TEX11: variants seen among roughly 807,000 people sequenced by gnomAD.
TEX11 encodes testis-expressed protein 11.
Under a neutral mutation model 84.4 loss-of-function variants are expected in TEX11, and 7 were observed. The observed-to-expected ratio is 0.08, with a 90% CI of 0.05 to 0.16. The LOEUF is 0.16. Among genes scored for constraint, TEX11 ranks in the 10% least tolerant of loss-of-function variants. TEX11 has a pLI of 1.00. For missense variants in TEX11, 551 were observed against 660.5 expected (o/e 0.83, Z 1.82); for synonymous variants, 264 against 222.8 (o/e 1.18, Z -1.64).
intron 25 of TEX11, among the ~76,000 whole-genome samples, chrX:70,590,936 A>T (rs2088920668): frequency 9.0e-6 from 1 of 110,526 alleles, no homozygotes; most frequent in Non-Finnish European, 1.9e-5. Flanking sequence ...TTTGGTAGAG[A>T]CGGGCTTTCT....
chrX:70,685,728 G>A (rs1041809092), intron 13 of TEX11, among the ~76,000 whole-genome samples: 2 of 111,640 alleles, frequency 1.8e-5, no homozygotes, highest in Non-Finnish European at 3.8e-5. Context: ...CCATAGCCTC[G>A]CCAGCATCTG....
chrX:70,710,130 A>T (rs1298308715), intron 13 of TEX11, among the ~76,000 whole-genome samples: 1 of 111,465 alleles, frequency 9.0e-6, no homozygotes, highest in African/African-American at 3.3e-5. Flanking sequence ...CATCAAAAAA[A>T]AAGGGGGGCC....
At chrX:70,878,168 C>CTTTTTTTT (rs34459152) in intron 3 of TEX11, among the ~76,000 whole-genome samples, 1 of 72,538 alleles carries the variant, frequency 1.4e-5, no homozygotes, top group Non-Finnish European at 2.5e-5. Context: ...CTCTATCCCT[C>CTTTTTTTT]TTTTTTTTTT....
chrX:70,812,470 G>C (rs1470554115), intron 8 of TEX11, among the ~76,000 whole-genome samples: 1 of 111,114 alleles, frequency 9.0e-6, no homozygotes, highest in Non-Finnish European at 1.9e-5. Flanking sequence ...GCCTCCCAAA[G>C]TGCTGGGATT....
intron 9 of TEX11, among the ~76,000 whole-genome samples, chrX:70,805,308 G>C (rs2091212189): frequency 1.8e-5 from 2 of 111,033 alleles, no homozygotes; most frequent in Non-Finnish European, 3.8e-5. Flanking sequence ...TTAATCATAG[G>C]AGTATCCCCA....
chrX:70,714,262 T>C lies in TEX11; in HGVS notation c.1004+8356A>G, dbSNP rs1299149707. On this transcript the variant is annotated intron_variant, in intron 13 of 29. Coordinates refer to ENST00000374333, the MANE Select transcript of TEX11 (RefSeq NM_031276.3). ...GTGGTGTGGTGCTGAAAAGAATGTATATTCTGTTGATTTGGGATGGAGAGT... is the reference window on the plus strand; with the variant it reads ...GTGGTGTGGTGCTGAAAAGAATGTACATTCTGTTGATTTGGGATGGAGAGT... 1.7e-4 allele frequency among the ~76,000 whole-genome samples: 19 copies of C among 111,615 alleles called. No individual in the cohort carries two copies. In the Admixed American group the frequency reaches 1.7e-3, roughly 10 times the overall value.
chrX:70,639,347 C>T (rs1190450618), intron 17 of TEX11, among the ~76,000 whole-genome samples: 1 of 112,017 alleles, frequency 8.9e-6, no homozygotes, highest in East Asian at 2.8e-4. Context: ...GGGGGAGGGG[C>T]GCCCACCATT....
intron 2 of TEX11, among the ~76,000 whole-genome samples, chrX:70,886,527 T>C (rs906909799): frequency 8.9e-6 from 1 of 111,808 alleles, no homozygotes; most frequent in African/African-American, 3.2e-5. Flanking sequence ...TACAATACTA[T>C]ACTTACAGTC....
intron 25 of TEX11, among the ~76,000 whole-genome samples, chrX:70,566,231 T>C (rs1355964338): frequency 3.0e-5 from 3 of 101,134 alleles, no homozygotes; most frequent in South Asian, 4.9e-4. Flanking sequence ...ATAAGAATGC[T>C]TGTGATTTTT....
At chrX:70,615,804 C>A in intron 20 of TEX11, among the ~76,000 whole-genome samples, 1 of 112,125 alleles carries the variant, frequency 8.9e-6, no homozygotes, top group East Asian at 2.8e-4. Flanking sequence ...AAACAACATA[C>A]AATGGCGTTG....
intron 5 of TEX11, among the ~76,000 whole-genome samples, chrX:70,854,631 G>C (rs910007677): frequency 9.2e-6 from 1 of 108,770 alleles, no homozygotes; most frequent in African/African-American, 3.4e-5. Context: ...AGCTATTAGG[G>C]AGGCTGAGGC....
At chrX:70,899,590 A>G (rs1204072603) in intron 2 of TEX11, among the ~76,000 whole-genome samples, 2 of 108,700 alleles carry the variant, frequency 1.8e-5, no homozygotes, top group African/African-American at 6.7e-5. Context: ...CCTCCCTAAC[A>G]ATCATCATAA....
chrX:70,618,994 A>T (rs769625366), intron 20 of TEX11, among the ~76,000 whole-genome samples: 2 of 111,595 alleles, frequency 1.8e-5, no homozygotes, highest in South Asian at 7.7e-4. Context: ...CCCACTAGAT[A>T]GACTCCTCTG....
In TEX11 at chrX:70,840,989, AGT is replaced by A. The variant is rs1237597478; in HGVS notation, c.526-7398_526-7397del. Among the ~76,000 whole-genome samples the A allele has an allele frequency of 1.6e-3, 176 of 110,974 alleles. 1 individual carries two copies. The highest frequency in any genetic ancestry group is 5.5e-3 in the African/African-American group (170 of 30,646). On this transcript the variant is annotated intron_variant, in intron 7 of 29. Transcript: ENST00000374333. ...ACCCAGATTCATAAAGCAAGTCCTG[AGT>A]GACCTACAAAGAGACTTAGACTCCC...
At position 70,743,199 on chromosome X, in the gene TEX11, T is replaced by C. The variant is rs190483551; in HGVS notation, c.747+966A>G. 1.6e-4 allele frequency among the ~76,000 whole-genome samples: 18 copies of C among 112,219 alleles called. No homozygotes were observed. The East Asian group carries it at 5.1e-3, about 31-fold the overall frequency. ...GCGTAGTCTCCTCACAGTTAACCCA[T>C]GTTGTAGCATGTGTCAGATTTCTTT... On this transcript the variant is annotated intron_variant, in intron 10 of 29. Transcript: ENST00000374333.
At chrX:70,845,753 A>G (rs1027399084) in intron 7 of TEX11, among the ~76,000 whole-genome samples, 9 of 111,081 alleles carry the variant, frequency 8.1e-5, no homozygotes, top group African/African-American at 1.3e-4. Context: ...GCTTGAACCC[A>G]GGAGGTGGAG....
At chrX:70,581,126 C>T (rs780823127) in intron 25 of TEX11, among the ~76,000 whole-genome samples, 5 of 108,952 alleles carry the variant, frequency 4.6e-5, no homozygotes, top group East Asian at 5.7e-4. Context: ...CACAGCCTCC[C>T]GAGTAGCTGG....
chrX:70,832,545 C>G (rs60277537), intron 8 of TEX11, among the ~76,000 whole-genome samples: 1,874 of 111,658 alleles, frequency 0.017, 37 homozygotes, highest in African/African-American at 0.057. Context: ...CATTATGACA[C>G]CCAATTTGGG....
At chrX:70,602,892 T>G in intron 24 of TEX11, among the ~76,000 whole-genome samples, 1 of 74,997 alleles carries the variant, frequency 1.3e-5, no homozygotes, top group Non-Finnish European at 2.5e-5. Flanking sequence ...ATCAGAAGCA[T>G]TCTTATACAC....
Sources: allele counts gnomAD v4.1 joint callset (sites outside exome capture counted in the v4.1 genomes callset), GRCh38; gene constraint gnomAD v4.1.1; transcripts MANE v1.5; gene names NCBI Gene and HGNC (gene_info 2026-07-23, HGNC 2026-07-21).